Variants in CTSE observed in about 807,000 individuals in gnomAD.
The protein encoded by CTSE is cathepsin E, also known as erythrocyte membrane aspartic proteinase.
In CTSE, 43 loss-of-function variants were observed where a neutral mutation model predicts 42.8. The observed-to-expected ratio is 1.01, with a 90% CI of 0.79 to 1.30. CTSE has a LOEUF of 1.30. Ranked by LOEUF, CTSE falls within the 50% of genes most tolerant of loss-of-function variation. CTSE has a pLI of 0.00. For synonymous variants in CTSE, 205 were observed against 191.5 expected, an observed-to-expected ratio of 1.07 and a Z score of -0.58; for missense variants, 532 against 493.5, an observed-to-expected ratio of 1.08 and a Z score of -0.74.
chr1:206,010,730 T>C (rs1661070520), intron 8 of CTSE, among the ~76,000 whole-genome samples: 1 of 152,160 alleles, frequency 6.6e-6, no homozygotes, highest in Admixed American at 6.5e-5. Flanking sequence ...CTTTAGTTTC[T>C]AGTGAAGCTC....
Position 206,012,577 on chromosome 1 carries a change from G to C in CTSE, c.858C>G (p.Leu286=). 6.2e-7 allele frequency: 1 copy of C among 1,613,982 alleles called. No individual in the cohort carries two copies. Among genetic ancestry groups the C allele is most frequent in the Middle Eastern group, 1.6e-4 (1 of 6,062 alleles). ...CQAIVDTGTS[L]ITGPSDKIKQ... ...TAATCTTGTCGGAAGGGCCAGTGAT[G>C]AGGGAAGTCCCTGTGTCCACAATGG... The change falls in exon 7 of 9, where the codon CTC becomes CTG. Residue 286 remains leucine (L), a synonymous_variant. Transcript: ENST00000358184.
chr1:206,010,464 G>T, intron 8 of CTSE, 117 bp from the exon 9 acceptor site: 1 of 842,530 alleles, frequency 1.2e-6, no homozygotes, highest in Non-Finnish European at 2.0e-6. Flanking sequence ...ACAGCTGGTG[G>T]GTTCCACCAT....
At position 206,016,129 on chromosome 1, in the gene CTSE, A is replaced by G; in HGVS notation, c.464T>C (p.Val155Ala). The G allele has an allele frequency of 1.2e-6, 2 of 1,613,486 alleles. No individual in the cohort carries two copies. Among genetic ancestry groups the G allele is most frequent in the Non-Finnish European group, 1.7e-6 (2 of 1,179,630 alleles). Reference sequence around the variant, plus strand: ...CTGGCCAACCACGGTTAGTCCTTCCACCTGGTAGGAGAAAGCCCACAGGAG... The same window carrying G: ...CTGGCCAACCACGGTTAGTCCTTCCGCCTGGTAGGAGAAAGCCCACAGGAG... ...SGIIGADQVSVEGLTVVGQQF... is the reference protein window; with the variant it reads ...SGIIGADQVSAEGLTVVGQQF... Residue 155 changes from valine (V) to alanine (A), a missense_variant and splice_region_variant, in exon 5 of 9, where the codon GTG becomes GCG. Coordinates refer to ENST00000358184, the MANE Select transcript of CTSE (RefSeq NM_001910.4).
rs1553278670 is a variant in CTSE, at chr1:206,022,903, C to T, written c.223G>A (p.Asp75Asn). 8.3e-6 allele frequency: 13 copies of T among 1,572,898 alleles called. No individual in the cohort carries two copies. Among genetic ancestry groups the T allele is most frequent in the South Asian group, 1.2e-5 (1 of 84,054 alleles). The stretch of plus-strand genomic sequence containing the variant: ...GCCCTGACCCCAGGAGGCCTCACAT[C>T]CAAGTAGTTGATGAGGGGTTCCTTG... ...SAKEPLINYL[D>N]MEYFGTISIG... Residue 75 changes from aspartate (D) to asparagine (N), a missense_variant and splice_region_variant, in exon 2 of 9, where the codon GAT becomes AAT. Physicochemically the swap from Asp to Asn is conservative, Grantham distance 23. Coordinates refer to ENST00000358184, the MANE Select transcript of CTSE (RefSeq NM_001910.4).
In CTSE at chr1:206,015,947, A is replaced by G. The variant is rs782052477; in HGVS notation, c.646T>C (p.Ser216Pro). The G allele has an allele frequency of 9.3e-6, 15 of 1,613,760 alleles. 1 individual carries two copies. The highest frequency in any genetic ancestry group is 1.3e-5 in the Non-Finnish European group (15 of 1,179,864). ...AQNLVDLPMF[S>P]VYMSSNPEGG... ...GGGCCTTACCTGCTCATGTAGACAGAAAACATCGGCAAGTCCACCAGGTTC... is the reference window on the plus strand; with the variant it reads ...GGGCCTTACCTGCTCATGTAGACAGGAAACATCGGCAAGTCCACCAGGTTC... Residue 216 changes from serine to proline, a missense_variant, in exon 5 of 9, where the codon TCT becomes CCT. Coordinates refer to ENST00000358184, the MANE Select transcript of CTSE (RefSeq NM_001910.4).
chr1:206,018,306 G>T (rs1471533368), intron 4 of CTSE, among the ~76,000 whole-genome samples: 1 of 152,038 alleles, frequency 6.6e-6, no homozygotes, highest in East Asian at 1.9e-4. Context: ...TATACCAAAA[G>T]ATTTTATTTG....
chr1:206,022,517 T>C (rs1661470413), intron 2 of CTSE, among the ~76,000 whole-genome samples: 3 of 152,226 alleles, frequency 2.0e-5, no homozygotes, highest in South Asian at 2.1e-4. Context: ...CTGATTCTTA[T>C]AAATACATTG....
rs1661525158 is a variant in CTSE at position 206,023,804 on chromosome 1, C to T, written c.-13G>A. On this transcript the variant is annotated 5_prime_UTR_variant, in exon 1 of 9. Transcript: ENST00000358184. ...GGAGCGTTTTCATTGTGAGTCCGAC[C>T]AGCAGCTTCTCCCTTGCCCCCTCCT... 1 of 1,613,038 alleles carries T rather than the reference C, an allele frequency of 6.2e-7. No homozygotes were observed. Among genetic ancestry groups the T allele is most frequent in the African/African-American group, 1.3e-5 (1 of 74,868 alleles).
Position 206,012,717 on chromosome 1 carries a change from T to C in CTSE, c.786-68A>G, listed in dbSNP as rs1661146689. The C allele has an allele frequency of 1.9e-6, 3 of 1,574,358 alleles. No individual in the cohort carries two copies. In the African/African-American group the frequency reaches 4.0e-5, roughly 21 times the overall value. Reference sequence around the variant, plus strand: ...GCTCCTAGGAAACTCCCACTCTTTTTTGGCCTCTCAAATGCCTGGAGCACA... The same window carrying C: ...GCTCCTAGGAAACTCCCACTCTTTTCTGGCCTCTCAAATGCCTGGAGCACA... On this transcript the variant is annotated intron_variant, in intron 6 of 8. Coordinates refer to ENST00000358184, the MANE Select transcript of CTSE (RefSeq NM_001910.4).
chr1:206,012,869 G>C (rs1661152173), intron 6 of CTSE, among the ~76,000 whole-genome samples: 1 of 152,014 alleles, frequency 6.6e-6, no homozygotes, highest in South Asian at 2.1e-4. Context: ...AGTGCACTCT[G>C]GTATTTTCTA....
intron 4 of CTSE, among the ~76,000 whole-genome samples, chr1:206,019,321 G>T (rs898080941): frequency 1.2e-4 from 19 of 152,034 alleles, no homozygotes; most frequent in African/African-American, 4.6e-4. Flanking sequence ...GGGAGAAAAA[G>T]GGCCAGTTGG....
At chr1:206,011,228 T>C (rs1301412007) in intron 8 of CTSE, among the ~76,000 whole-genome samples, 1 of 151,878 alleles carries the variant, frequency 6.6e-6, no homozygotes, top group Non-Finnish European at 1.5e-5. Context: ...TCTTCTAAAA[T>C]GATCTTCTAA....
chr1:206,019,544 C>A (rs368315192), intron 4 of CTSE, among the ~76,000 whole-genome samples: 2 of 151,914 alleles, frequency 1.3e-5, no homozygotes, highest in South Asian at 4.1e-4. Flanking sequence ...GCCAGGTGAG[C>A]CAACAGATAC....
chr1:206,015,112 A>G (rs772582857), intron 5 of CTSE, among the ~76,000 whole-genome samples: 4 of 102,656 alleles, frequency 3.9e-5, no homozygotes, highest in Non-Finnish European at 7.2e-5. Context: ...TCCAAAAACA[A>G]TGTGCAATTT....
At position 206,012,497 on chromosome 1, in the gene CTSE, C is replaced by T. The variant is rs781909217; in HGVS notation, c.927+11G>A. ...TGTCCCCACCACTCCCTTGCGCAGGCAGGCACTCACTTCTCCATCCACGGG... is the reference window on the plus strand; with the variant it reads ...TGTCCCCACCACTCCCTTGCGCAGGTAGGCACTCACTTCTCCATCCACGGG... On this transcript the variant is annotated intron_variant, in intron 7 of 8. Transcript: ENST00000358184. 4 of 1,614,014 alleles carry T rather than the reference C, an allele frequency of 2.5e-6. No individual in the cohort carries two copies. The highest frequency in any genetic ancestry group is 3.4e-6 in the Non-Finnish European group (4 of 1,179,928).
At chr1:206,016,301 CA>C (rs1353903153) in intron 4 of CTSE, among the ~76,000 whole-genome samples, 171 bp from the exon 5 acceptor site, 1 of 152,054 alleles carries the variant, frequency 6.6e-6, no homozygotes, top group Non-Finnish European at 1.5e-5. Context: ...CAGGACATTC[CA>C]AACCTCAGAA....
intron 8 of CTSE, among the ~76,000 whole-genome samples, chr1:206,010,978 G>A (rs79650499): frequency 9.4e-4 from 143 of 152,184 alleles, no homozygotes; most frequent in African/African-American, 3.1e-3. Context: ...AGTTGCTGAT[G>A]AGGGTGTGGG....
chr1:206,013,534 G>T (rs1553277351), intron 6 of CTSE, among the ~76,000 whole-genome samples: 1 of 151,992 alleles, frequency 6.6e-6, no homozygotes, highest in Non-Finnish European at 1.5e-5. Flanking sequence ...CTGTGCACTG[G>T]TATTGACTGT....
intron 3 of CTSE, among the ~76,000 whole-genome samples, chr1:206,021,869 A>G (rs1340251142): frequency 6.6e-6 from 1 of 152,118 alleles, no homozygotes; most frequent in Non-Finnish European, 1.5e-5. Flanking sequence ...GAAGTGAGTC[A>G]TTATGTCAAA....
Sources: gnomAD v4.1 joint callset for allele counts (sites outside exome capture counted in the v4.1 genomes callset) on GRCh38, gnomAD v4.1.1 for gene constraint, MANE v1.5 for transcripts, NCBI Gene and HGNC (gene_info 2026-07-23, HGNC 2026-07-21) for gene names.